Variants in BMPER observed in about 807,000 individuals in gnomAD.
BMPER encodes BMP binding endothelial regulator.
In BMPER, 45 loss-of-function variants were observed where a neutral mutation model predicts 87.3. The ratio of observed to expected loss-of-function variants is 0.52; its 90% CI spans 0.41 to 0.66. The LOEUF (loss-of-function observed/expected upper bound fraction) is 0.66. Among genes scored for constraint, BMPER ranks in the 30% least tolerant of loss-of-function variants. BMPER has a pLI of 0.00. For missense variants in BMPER, 784 were observed against 867.5 expected (o/e 0.90, Z 1.21); for synonymous variants, 326 against 316.2 (o/e 1.03, Z -0.33).
intron 12 of BMPER, among the ~76,000 whole-genome samples, chr7:34,082,915 A>G (rs1243105387): frequency 2.0e-5 from 3 of 152,244 alleles, no homozygotes; most frequent in Non-Finnish European, 4.4e-5. Context: ...ATGCTGTAAA[A>G]GTTAGACTTT....
At chr7:34,118,581 G>T (rs10215234) in intron 13 of BMPER, among the ~76,000 whole-genome samples, 115,867 of 151,970 alleles carry the variant, frequency 0.76, 44,776 homozygotes, top group East Asian at 0.95. Flanking sequence ...TGGTTTTCAA[G>T]GAAAATTTTC....
Position 34,079,281 on chromosome 7 carries a change from C to T in BMPER, c.1408+95C>T. On this transcript the variant is annotated intron_variant, in intron 12 of 14. Coordinates refer to ENST00000649409, the MANE Select transcript of BMPER (RefSeq NM_001365308.1). The stretch of plus-strand genomic sequence containing the variant: ...TTAGAGCACTCAGGAGATGTGGTTC[C>T]TCCTCCGAGCAAAAACCCAAGGCAG... 3 of 1,520,042 alleles carry T rather than the reference C, an allele frequency of 2.0e-6. No homozygotes were observed. The Admixed American group carries it at 5.5e-5, about 28-fold the overall frequency. 94.2% of individuals were successfully genotyped at this position (1,520,042 alleles called of 1,614,324 possible).
At chr7:34,001,055 T>G (rs1276843154) in intron 6 of BMPER, among the ~76,000 whole-genome samples, 1 of 151,962 alleles carries the variant, frequency 6.6e-6, no homozygotes, top group East Asian at 1.9e-4. Flanking sequence ...TATCTTTTTT[T>G]TATATATTGT....
At chr7:33,999,118 A>G (rs1443831058) in intron 6 of BMPER, among the ~76,000 whole-genome samples, 1 of 152,252 alleles carries the variant, frequency 6.6e-6, no homozygotes, top group Non-Finnish European at 1.5e-5. Flanking sequence ...ATTCTCTTAC[A>G]TGTTCCCAGA....
At chr7:34,035,413 C>T (rs189557631) in intron 6 of BMPER, among the ~76,000 whole-genome samples, 10 of 152,148 alleles carry the variant, frequency 6.6e-5, no homozygotes, top group African/African-American at 1.7e-4. Context: ...AAAAGGATGC[C>T]GTGACTTCAA....
At chr7:33,947,038 T>A (rs1784908524) in intron 3 of BMPER, among the ~76,000 whole-genome samples, 3 of 152,216 alleles carry the variant, frequency 2.0e-5, no homozygotes, top group Admixed American at 2.0e-4. Flanking sequence ...AATATTTCAG[T>A]GTGCTTTTGA....
At chr7:34,139,868 T>C (rs978710779) in intron 13 of BMPER, among the ~76,000 whole-genome samples, 1 of 152,234 alleles carries the variant, frequency 6.6e-6, no homozygotes, top group Non-Finnish European at 1.5e-5. Flanking sequence ...TATTTCCCTT[T>C]TCTTTTTCTA....
chr7:34,029,146 T>C (rs113199014), intron 6 of BMPER, among the ~76,000 whole-genome samples: 1 of 152,076 alleles, frequency 6.6e-6, no homozygotes, highest in Admixed American at 6.6e-5. Flanking sequence ...GAAAGAAACA[T>C]TGTGCTAGAC....
chr7:34,034,108 C>T (rs763696320), intron 6 of BMPER, among the ~76,000 whole-genome samples: 29 of 152,130 alleles, frequency 1.9e-4, no homozygotes, highest in Non-Finnish European at 2.6e-4. Context: ...CAGCCATGGC[C>T]TCACTGAGGT....
chr7:33,949,809 C>A (rs1784978099), intron 3 of BMPER, among the ~76,000 whole-genome samples: 1 of 152,144 alleles, frequency 6.6e-6, no homozygotes. Context: ...AGAGGGATTT[C>A]TTTCCCCTGC....
intron 6 of BMPER, among the ~76,000 whole-genome samples, chr7:33,977,789 A>C (rs1336423976): frequency 6.6e-6 from 1 of 152,210 alleles, no homozygotes; most frequent in African/African-American, 2.4e-5. Context: ...ATATATAAAA[A>C]CATGCTTATA....
At chr7:34,076,625 T>A (rs1037206638) in intron 11 of BMPER, among the ~76,000 whole-genome samples, 2 of 152,156 alleles carry the variant, frequency 1.3e-5, no homozygotes, top group Non-Finnish European at 2.9e-5. Context: ...TGGGAGACAA[T>A]CTGAATACCA....
At chr7:34,077,630 A>G (rs1216855550) in intron 11 of BMPER, among the ~76,000 whole-genome samples, 10 of 152,268 alleles carry the variant, frequency 6.6e-5, no homozygotes, top group Non-Finnish European at 1.5e-5. Context: ...TGTGCTTTGT[A>G]TGGAGTCATA....
rs531900137 is a variant in BMPER, at chr7:34,136,656, G to A, written c.1746-6574G>A. On this transcript the variant is annotated intron_variant, in intron 13 of 14. Coordinates refer to ENST00000649409, the MANE Select transcript of BMPER (RefSeq NM_001365308.1). ...TTCCTAGATATGTGGAACAAGGAAA[G>A]CCATATGACCAAATGGTGGTTTTCT... Among the ~76,000 whole-genome samples, 21 of 152,308 alleles carry A rather than the reference G, an allele frequency of 1.4e-4. No individual in the cohort carries two copies. The South Asian group carries it at 4.4e-3, about 32-fold the overall frequency.
intron 11 of BMPER, among the ~76,000 whole-genome samples, chr7:34,069,198 C>T (rs1230155594): frequency 1.3e-5 from 2 of 152,108 alleles, no homozygotes; most frequent in African/African-American, 4.8e-5. Context: ...TAATGATACA[C>T]CTAAAATACA....
intron 7 of BMPER, among the ~76,000 whole-genome samples, chr7:34,050,880 G>A (rs1361252559): frequency 6.6e-6 from 1 of 152,126 alleles, no homozygotes; most frequent in African/African-American, 2.4e-5. Context: ...TGAAAGGCTG[G>A]ACACTCGACA....
intron 2 of BMPER, among the ~76,000 whole-genome samples, chr7:33,922,203 T>C (rs1421296577): frequency 1.3e-5 from 2 of 151,974 alleles, no homozygotes; most frequent in Non-Finnish European, 1.5e-5. Flanking sequence ...TTTAAACTTA[T>C]TTTTTTTGAA....
chr7:34,039,603 TAC>T (rs56214614), intron 6 of BMPER, among the ~76,000 whole-genome samples: 22,404 of 142,386 alleles, frequency 0.16, 1,809 homozygotes, highest in African/African-American at 0.23. Context: ...GACACACAAA[TAC>T]ACACACACAC....
rs142063215 is a variant in BMPER, at chr7:34,083,653, C to G, written c.1409-2103C>G. On this transcript the variant is annotated intron_variant, in intron 12 of 14. Coordinates refer to ENST00000649409, the MANE Select transcript of BMPER (RefSeq NM_001365308.1). ...TAGGAATGCTATCTGTCAGCCTTCTCTCCTCTTGGACTATATCCAGACTTC... is the reference window on the plus strand; with the variant it reads ...TAGGAATGCTATCTGTCAGCCTTCTGTCCTCTTGGACTATATCCAGACTTC... Among the ~76,000 whole-genome samples the G allele has an allele frequency of 9.2e-4, 140 of 152,304 alleles. 1 individual carries two copies. Among genetic ancestry groups the G allele is most frequent in the African/African-American group, 3.3e-3 (137 of 41,568 alleles).
Sources: allele counts gnomAD v4.1 joint callset (sites outside exome capture counted in the v4.1 genomes callset), GRCh38; gene constraint gnomAD v4.1.1; transcripts MANE v1.5; gene names NCBI Gene and HGNC (gene_info 2026-07-23, HGNC 2026-07-21).